MCTP1: variants seen among roughly 807,000 people sequenced by gnomAD.
MCTP1 encodes the protein multiple C2 and transmembrane domain-containing protein 1.
A neutral mutation model predicts 120.6 loss-of-function variants in MCTP1; 69 were observed. The ratio of observed to expected loss-of-function variants is 0.57; its 90% CI spans 0.47 to 0.70. The LOEUF (loss-of-function observed/expected upper bound fraction) is 0.70. MCTP1 is among the 30% of genes least tolerant of loss of function. MCTP1 has a pLI of 0.00. For synonymous variants in MCTP1, 529 were observed against 493.1 expected (o/e 1.07, Z -0.96); for missense variants, 1,203 against 1,248.8 (o/e 0.96, Z 0.55).
intron 2 of MCTP1, among the ~76,000 whole-genome samples, chr5:94,961,138 T>A (rs1581588600): frequency 6.6e-6 from 1 of 152,160 alleles, no homozygotes; most frequent in East Asian, 1.9e-4. Context: ...TGGAAGAAGC[T>A]GGAAACCATC....
At chr5:95,173,992 T>C (rs1449841985) in intron 1 of MCTP1, among the ~76,000 whole-genome samples, 1 of 152,032 alleles carries the variant, frequency 6.6e-6, no homozygotes, top group Admixed American at 6.6e-5. Flanking sequence ...GAAAATAATA[T>C]AAAGTAGTTG....
chr5:95,081,783 G>A lies in MCTP1; in HGVS notation c.721-64299C>T, dbSNP rs115446060. The A allele has an allele frequency of 1.1e-3, 1,259 of 1,108,212 alleles. 16 individuals carry two copies. In the African/African-American group the frequency reaches 0.015, roughly 13 times the overall value. The allele number at this position is 1,108,212 out of a possible 1,614,324, so 68.6% of individuals were successfully genotyped here. On this transcript the variant is annotated intron_variant, in intron 1 of 22. Coordinates refer to ENST00000515393, the MANE Select transcript of MCTP1 (RefSeq NM_024717.7). The stretch of plus-strand genomic sequence containing the variant: ...GATTACATAACAAACATCATATCTG[G>A]GGTTCTAAAATACTCACATTAAATA...
intron 1 of MCTP1, among the ~76,000 whole-genome samples, chr5:95,275,436 C>T (rs1332011584): frequency 2.0e-5 from 3 of 152,134 alleles, no homozygotes; most frequent in Non-Finnish European, 4.4e-5. Flanking sequence ...CCCACCAAAC[C>T]CTCTTGGCTC....
chr5:94,923,933 A>C (rs748002838), intron 7 of MCTP1, 29 bp downstream of exon 7: 1 of 1,420,358 alleles, frequency 7.0e-7, no homozygotes, highest in Non-Finnish European at 9.5e-7. Context: ...AAAAATCAAG[A>C]ATATTAACAA....
chr5:95,097,479 G>C (rs531507505), intron 1 of MCTP1, among the ~76,000 whole-genome samples: 1 of 152,346 alleles, frequency 6.6e-6, no homozygotes, highest in East Asian at 1.9e-4. Context: ...CAGAAAGAAG[G>C]CCAGTGTGGC....
chr5:94,918,061 T>A, intron 7 of MCTP1, 88 bp from the exon 8 acceptor site: 1 of 956,170 alleles, frequency 1.0e-6, no homozygotes, highest in Non-Finnish European at 1.6e-6. Flanking sequence ...GAATTACTCT[T>A]CAGAAAACAT....
chr5:94,903,552 C>T (rs961600272), intron 10 of MCTP1, among the ~76,000 whole-genome samples: 2 of 152,096 alleles, frequency 1.3e-5, no homozygotes, highest in East Asian at 1.9e-4. Flanking sequence ...TTGTTCTTCA[C>T]CCAGAACTTA....
chr5:94,776,705 T>C (rs777983263), intron 19 of MCTP1, among the ~76,000 whole-genome samples: 21 of 152,342 alleles, frequency 1.4e-4, no homozygotes, highest in Non-Finnish European at 2.4e-4. Context: ...CCTGCTCGTA[T>C]GGCAAAGAAC....
At chr5:95,095,955 C>G (rs1162604883) in intron 1 of MCTP1, among the ~76,000 whole-genome samples, 2 of 152,078 alleles carry the variant, frequency 1.3e-5, no homozygotes, top group East Asian at 3.8e-4. Context: ...AACGAGACCT[C>G]CAAGGAGATG....
intron 17 of MCTP1, among the ~76,000 whole-genome samples, chr5:94,861,149 A>T (rs1376561034): frequency 1.3e-5 from 2 of 151,862 alleles, no homozygotes; most frequent in African/African-American, 4.8e-5. Flanking sequence ...GACCTCTGTC[A>T]TCACGGCAAA....
At chr5:94,731,258 A>C (rs1395421380) in intron 19 of MCTP1, among the ~76,000 whole-genome samples, 1 of 152,212 alleles carries the variant, frequency 6.6e-6, no homozygotes, top group Non-Finnish European at 1.5e-5. Context: ...AATGTGGCCC[A>C]AGACAATTCT....
intron 1 of MCTP1, among the ~76,000 whole-genome samples, chr5:95,030,782 G>A (rs1454243833): frequency 1.3e-5 from 2 of 152,070 alleles, no homozygotes; most frequent in Non-Finnish European, 2.9e-5. Flanking sequence ...TACTTTTAAA[G>A]GACTACTCTC....
At chr5:94,953,718 A>G (rs1029014744) in intron 2 of MCTP1, among the ~76,000 whole-genome samples, 5 of 148,682 alleles carry the variant, frequency 3.4e-5, no homozygotes, top group African/African-American at 1.2e-4. Context: ...AATAGCAAAG[A>G]CATGGAATCA....
chr5:94,971,548 T>C (rs1826876077), intron 2 of MCTP1, among the ~76,000 whole-genome samples: 1 of 152,306 alleles, frequency 6.6e-6, no homozygotes, highest in South Asian at 2.1e-4. Flanking sequence ...TTCCCACTAG[T>C]GGATGCTTCT....
chr5:94,865,760 A>G lies in MCTP1; in HGVS notation c.2436+2573T>C, dbSNP rs182816461. Among the ~76,000 whole-genome samples the G allele has an allele frequency of 4.7e-3, 722 of 152,096 alleles. 8 individuals are homozygous for G. Among genetic ancestry groups the G allele is most frequent in the African/African-American group, 0.016 (645 of 41,546 alleles). On this transcript the variant is annotated intron_variant, in intron 17 of 22. Coordinates refer to ENST00000515393, the MANE Select transcript of MCTP1 (RefSeq NM_024717.7). ...GTATATGTATTTTAAAAGCTCTTTTAGAAAGGAAATAATATCTGCTGTGTG... is the reference window on the plus strand; with the variant it reads ...GTATATGTATTTTAAAAGCTCTTTTGGAAAGGAAATAATATCTGCTGTGTG...
At chr5:95,144,620 A>G (rs1232663683) in intron 1 of MCTP1, among the ~76,000 whole-genome samples, 4 of 152,180 alleles carry the variant, frequency 2.6e-5, no homozygotes, top group African/African-American at 4.8e-5. Context: ...ATCCTTCTGC[A>G]TAGGACTAAC....
At chr5:94,982,884 CAAAAAAAAA>C (rs34561115) in intron 2 of MCTP1, among the ~76,000 whole-genome samples, 506 of 28,616 alleles carry the variant, frequency 0.018, 5 homozygotes, top group African/African-American at 0.033. Context: ...CACACTTCAT[CAAAAAAAAA>C]AAAAAAAAAA....
chr5:95,214,796 G>A (rs1432977802), intron 1 of MCTP1, among the ~76,000 whole-genome samples: 21 of 146,974 alleles, frequency 1.4e-4, no homozygotes, highest in East Asian at 4.1e-4. Context: ...GTTCTCACTC[G>A]TAGGTGGGAA....
intron 18 of MCTP1, among the ~76,000 whole-genome samples, 192 bp from the exon 19 acceptor site, chr5:94,779,355 C>T (rs1447800827): frequency 6.6e-6 from 1 of 152,102 alleles, no homozygotes; most frequent in East Asian, 1.9e-4. Context: ...AACCAAATCC[C>T]AGTTAGGAGA....
Sources: gnomAD v4.1 joint callset for allele counts (sites outside exome capture counted in the v4.1 genomes callset) on GRCh38, gnomAD v4.1.1 for gene constraint, MANE v1.5 for transcripts, NCBI Gene and HGNC (gene_info 2026-07-23, HGNC 2026-07-21) for gene names.